The following USP13 variants were observed in gnomAD, a reference collection of about 807,000 sequenced individuals.
USP13 encodes ubiquitin specific peptidase 13, also known as ubiquitin carboxyl-terminal hydrolase 13.
Under a neutral mutation model 107.8 loss-of-function variants are expected in USP13, and 68 were observed. The ratio of observed to expected loss-of-function variants is 0.63; its 90% CI spans 0.52 to 0.77. The LOEUF (loss-of-function observed/expected upper bound fraction) is 0.77, where lower values mean the gene tolerates loss of function less well. Ranked by LOEUF, USP13 falls within the 30% of genes least tolerant of loss-of-function variation. USP13 has a pLI of 0.00. For synonymous variants in USP13, 377 were observed against 389.5 expected, an observed-to-expected ratio of 0.97 and a Z score of 0.38; for missense variants, 945 against 1,093.3, an observed-to-expected ratio of 0.86 and a Z score of 1.91.
Position 179,678,552 on chromosome 3 carries a change from G to C in USP13, c.169-3326G>C, listed in dbSNP as rs937653186. Among the ~76,000 whole-genome samples, 4 of 150,910 alleles carry C rather than the reference G, an allele frequency of 2.7e-5. No homozygotes were observed. Among genetic ancestry groups the C allele is most frequent in the Non-Finnish European group, 4.4e-5 (3 of 67,884 alleles). On this transcript the variant is annotated intron_variant, in intron 1 of 20. Transcript: ENST00000263966. The surrounding 1 kb of genome is among the most constrained non-coding windows in gnomAD (Gnocchi z 4.2). ...CACAATCATGGCTCACTGCAACCTT[G>C]ACCTCCCTGGGCTAAAGTGACCCTC...
chr3:179,764,107 T>C lies in USP13; in HGVS notation c.2198T>C (p.Val733Ala). The change falls in exon 18 of 21, where the codon GTA (valine) becomes GCA (alanine). Residue 733 changes from valine (V) to alanine (A), a missense_variant. By Grantham distance (64) the Val-to-Ala change is moderately conservative. Coordinates refer to ENST00000263966, the MANE Select transcript of USP13 (RefSeq NM_003940.3). ...GLDNQPPEEI[V>A]AIITSMGFQR... ...GATAACCAACCTCCAGAGGAAATCG[T>C]AGCTATCATCACCTCCATGGGATTT... is the stretch of plus-strand genomic sequence containing the variant. 1 of 1,614,076 alleles carries C rather than the reference T, an allele frequency of 6.2e-7. No individual in the cohort carries two copies.
At chr3:179,708,685 C>T in intron 5 of USP13, 88 bp from the exon 6 acceptor site, 2 of 1,492,340 alleles carry the variant, frequency 1.3e-6, no homozygotes, top group Non-Finnish European at 1.8e-6. Context: ...TTGTTGTGAC[C>T]TGCCTACTTG....
chr3:179,742,478 ACATCTCTTTT>A lies in USP13; in HGVS notation c.1534+138_1534+147del. 1 of 1,164,452 alleles carries A rather than the reference ACATCTCTTTT, an allele frequency of 8.6e-7. No homozygotes were observed. Among genetic ancestry groups the A allele is most frequent in the Non-Finnish European group, 1.2e-6 (1 of 828,620 alleles). 72.1% of individuals were successfully genotyped at this position (1,164,452 alleles called of 1,614,324 possible). ...CCAGCCCAGGTGATGTCTGCTTTGC[ACATCTCTTTT>A]CATCTCTTTGTTAGTTCCCATGTGA... On this transcript the variant is annotated intron_variant, in intron 12 of 20. Transcript: ENST00000263966. The surrounding 1 kb of genome is among the most constrained non-coding windows in gnomAD (Gnocchi z 5.0).
rs145403363 is a variant in USP13 at position 179,692,909 on chromosome 3, G to A, written c.355+2608G>A. On this transcript the variant is annotated intron_variant, in intron 3 of 20. Coordinates refer to ENST00000263966, the MANE Select transcript of USP13 (RefSeq NM_003940.3). ...GTGGACCCCTTCCTTCCATTCTTCC[G>A]TAGGGGACTACCTACCATTTTGTTT... 3.9e-5 allele frequency among the ~76,000 whole-genome samples: 6 copies of A among 152,180 alleles called. No homozygotes were observed. The East Asian group carries it at 5.8e-4, about 15-fold the overall frequency.
intron 16 of USP13, among the ~76,000 whole-genome samples, chr3:179,757,822 C>G (rs1714858146): frequency 6.6e-6 from 1 of 152,016 alleles, no homozygotes; most frequent in African/African-American, 2.4e-5. Context: ...TATGTTTTGC[C>G]GATTGTTAGA....
chr3:179,717,459 A>G (rs1225267189), intron 6 of USP13, among the ~76,000 whole-genome samples: 2 of 152,194 alleles, frequency 1.3e-5, no homozygotes, highest in Non-Finnish European at 2.9e-5. Flanking sequence ...TGATTTTCTC[A>G]ATGTGGCAAG....
chr3:179,696,499 T>G (rs1000348909), intron 3 of USP13, among the ~76,000 whole-genome samples: 1 of 151,888 alleles, frequency 6.6e-6, no homozygotes. Flanking sequence ...CCTGGCTAAT[T>G]TTTTTGTATT....
chr3:179,750,322 G>A (rs199882653), intron 13 of USP13, among the ~76,000 whole-genome samples: 14,049 of 43,574 alleles, frequency 0.32, 924 homozygotes, highest in Non-Finnish European at 0.4. Flanking sequence ...ATATATATAT[G>A]TGTGTATATA....
chr3:179,703,301 C>T (rs1712599114), intron 4 of USP13, among the ~76,000 whole-genome samples: 2 of 152,066 alleles, frequency 1.3e-5, no homozygotes, highest in African/African-American at 4.8e-5. Context: ...TTTTGGTGTT[C>T]GACAATTCTC....
At chr3:179,673,153 C>G (rs1296971456) in intron 1 of USP13, among the ~76,000 whole-genome samples, 1 of 152,090 alleles carries the variant, frequency 6.6e-6, no homozygotes, top group African/African-American at 2.4e-5. Flanking sequence ...TTTTTCTATG[C>G]GTGGCCATGA....
intron 3 of USP13, among the ~76,000 whole-genome samples, chr3:179,695,683 G>C (rs1383904409): frequency 6.6e-6 from 1 of 152,084 alleles, no homozygotes; most frequent in African/African-American, 2.4e-5. Flanking sequence ...GGGCTCCTCA[G>C]TGAAAATTAA....
intron 13 of USP13, among the ~76,000 whole-genome samples, chr3:179,745,606 A>T (rs1188723882): frequency 2.6e-5 from 4 of 151,602 alleles, no homozygotes. Flanking sequence ...AAGAGGATAC[A>T]GCCAAGAAAC....
In USP13 at chr3:179,742,125, A is replaced by T. The variant is rs1215424425; in HGVS notation, c.1381-72A>T. 6 of 1,583,160 alleles carry T rather than the reference A, an allele frequency of 3.8e-6. No homozygotes were observed. The Admixed American group carries it at 1.0e-4, about 27-fold the overall frequency. ...AGCCAAGTGTTTACACCGGGTTTAG[A>T]GTTCATTTTCTACTAAGTCTTAGTG... On this transcript the variant is annotated intron_variant, in intron 11 of 20. Coordinates refer to ENST00000263966, the MANE Select transcript of USP13 (RefSeq NM_003940.3). The surrounding 1 kb of genome is among the most constrained non-coding windows in gnomAD (Gnocchi z 5.0).
At chr3:179,760,272 G>T (rs896209834) in intron 16 of USP13, among the ~76,000 whole-genome samples, 327 of 148,780 alleles carry the variant, frequency 2.2e-3, no homozygotes, top group Non-Finnish European at 4.1e-3. Context: ...TTGTAAAGCC[G>T]TCTCTTAATG....
chr3:179,691,332 A>T (rs976924519), intron 3 of USP13, among the ~76,000 whole-genome samples: 2 of 152,098 alleles, frequency 1.3e-5, no homozygotes. Flanking sequence ...TGTTTCTTTA[A>T]TCCTTTCCAG....
intron 1 of USP13, among the ~76,000 whole-genome samples, chr3:179,666,910 C>T (rs1383704531): frequency 6.6e-6 from 1 of 152,232 alleles, no homozygotes; most frequent in Admixed American, 6.5e-5. Context: ...CCACTTACTA[C>T]TTAGTAGCCA....
chr3:179,710,498 A>G (rs1712884810), intron 6 of USP13, among the ~76,000 whole-genome samples: 1 of 152,214 alleles, frequency 6.6e-6, no homozygotes, highest in Non-Finnish European at 1.5e-5. Flanking sequence ...TCGTATATGC[A>G]GCTTAGTTCT....
chr3:179,730,821 A>G, intron 10 of USP13, 112 bp downstream of exon 10: 1 of 930,292 alleles, frequency 1.1e-6, no homozygotes, highest in African/African-American at 1.6e-5. Flanking sequence ...CTGTCAGAAT[A>G]GTAATGTCAT....
intron 6 of USP13, among the ~76,000 whole-genome samples, chr3:179,717,736 GT>G (rs997975866): frequency 9.2e-5 from 14 of 151,934 alleles, no homozygotes; most frequent in Non-Finnish European, 1.5e-4. Flanking sequence ...TGATGTATTT[GT>G]TTCAATTTAT....
Sources: allele counts gnomAD v4.1 joint callset (sites outside exome capture counted in the v4.1 genomes callset), GRCh38; gene constraint gnomAD v4.1.1; non-coding constraint Gnocchi (gnomAD v3.1); transcripts MANE v1.5; gene names NCBI Gene and HGNC (gene_info 2026-07-23, HGNC 2026-07-21).